LRIF1: variants seen among roughly 807,000 people sequenced by gnomAD.
LRIF1 encodes ligand-dependent nuclear receptor-interacting factor 1.
In LRIF1, 32 loss-of-function variants were observed where a neutral mutation model predicts 52.7. The ratio of observed to expected loss-of-function variants is 0.61; its 90% CI spans 0.46 to 0.82. LRIF1 has a LOEUF of 0.82. LRIF1 is among the 40% of genes least tolerant of loss of function. The pLI is 0.00. For missense variants in LRIF1, 887 were observed against 892.0 expected, an observed-to-expected ratio of 0.99 and a Z score of 0.07; for synonymous variants, 323 against 317.4, an observed-to-expected ratio of 1.02 and a Z score of -0.19.
the LRIF1 span, among the ~76,000 whole-genome samples, chr1:110,929,000 G>A: frequency 2.0e-5 from 3 of 152,006 alleles, no homozygotes; most frequent in South Asian, 4.1e-4. Context: ...TATTTTCATC[G>A]AATTTTATAC....
chr1:110,925,020 C>A, the LRIF1 span, among the ~76,000 whole-genome samples: 3 of 152,100 alleles, frequency 2.0e-5, no homozygotes, highest in African/African-American at 4.8e-5. Context: ...TTTTAATGAA[C>A]TAGTAGTATA....
the LRIF1 span, chr1:110,894,912 C>A: frequency 7.0e-7 from 1 of 1,431,238 alleles, no homozygotes; most frequent in Non-Finnish European, 9.9e-7. Flanking sequence ...ATTCCTTGAA[C>A]TCACCTGCTT....
the LRIF1 span, among the ~76,000 whole-genome samples, chr1:110,926,833 GAATA>G: frequency 6.6e-6 from 1 of 152,120 alleles, no homozygotes; most frequent in Non-Finnish European, 1.5e-5. Flanking sequence ...TGCGGAAAAA[GAATA>G]AATAGGGTAT....
chr1:110,896,725 A>G, the LRIF1 span: 2 of 1,612,788 alleles, frequency 1.2e-6, no homozygotes, highest in East Asian at 4.5e-5. Flanking sequence ...CTCAGATCGA[A>G]AAGTGGAGGT....
At chr1:110,892,842 T>A in the LRIF1 span, 2 of 242,154 alleles carry the variant, frequency 8.3e-6, no homozygotes, top group South Asian at 1.7e-4. Flanking sequence ...TGAAATCAGG[T>A]GTCATCCATC....
chr1:110,889,432 G>A, the LRIF1 span, among the ~76,000 whole-genome samples: 2 of 151,976 alleles, frequency 1.3e-5, no homozygotes, highest in African/African-American at 2.4e-5. Flanking sequence ...GGTGACGGGC[G>A]CCTGTAACCC....
chr1:110,884,260 C>T, the LRIF1 span, among the ~76,000 whole-genome samples: 6 of 152,004 alleles, frequency 3.9e-5, no homozygotes, highest in Non-Finnish European at 5.9e-5. Flanking sequence ...TTTCTTCTTT[C>T]ATCTATGAAC....
the LRIF1 span, among the ~76,000 whole-genome samples, chr1:110,895,243 C>T: frequency 6.6e-6 from 1 of 152,214 alleles, no homozygotes; most frequent in East Asian, 1.9e-4. Flanking sequence ...AAGTTCTCTA[C>T]ATTCTCTCTT....
chr1:110,945,614 C>T (rs375494622), downstream of LRIF1, among the ~76,000 whole-genome samples: 5 of 152,118 alleles, frequency 3.3e-5, no homozygotes, highest in African/African-American at 7.2e-5. Flanking sequence ...TTAGTAGAGA[C>T]GGGGTTTCAC....
intron 3 of LRIF1, among the ~76,000 whole-genome samples, chr1:110,948,893 GTTA>G (rs1358857244): frequency 7.9e-5 from 12 of 152,096 alleles, no homozygotes; most frequent in East Asian, 3.9e-4. Context: ...TGCTTAAAAG[GTTA>G]TTATTAAGAA....
the LRIF1 span, among the ~76,000 whole-genome samples, chr1:110,901,125 A>G: frequency 2.0e-5 from 3 of 152,052 alleles, no homozygotes; most frequent in Non-Finnish European, 4.4e-5. Context: ...ACAAAGAAGT[A>G]GCAGAGGAGA....
the LRIF1 span, among the ~76,000 whole-genome samples, chr1:110,926,715 T>A: frequency 6.6e-6 from 1 of 152,154 alleles, no homozygotes; most frequent in Non-Finnish European, 1.5e-5. Flanking sequence ...TAATCTATTG[T>A]TTCCATTCAA....
the LRIF1 span, among the ~76,000 whole-genome samples, chr1:110,912,890 G>C: frequency 1.3e-5 from 2 of 152,208 alleles, no homozygotes; most frequent in South Asian, 4.1e-4. Flanking sequence ...TAAGCAAAAA[G>C]AACAAAGCTG....
chr1:110,953,944 T>G (rs1227853920), intron 1 of LRIF1, among the ~76,000 whole-genome samples: 1 of 152,230 alleles, frequency 6.6e-6, no homozygotes, highest in Non-Finnish European at 1.5e-5. Context: ...TGTCATCATA[T>G]ATTAATATGT....
At chr1:110,876,916 G>A in the LRIF1 span, among the ~76,000 whole-genome samples, 1 of 152,084 alleles carries the variant, frequency 6.6e-6, no homozygotes, top group Non-Finnish European at 1.5e-5. Context: ...ACAGTAATTA[G>A]TAATTTGATT....
the LRIF1 span, among the ~76,000 whole-genome samples, chr1:110,909,485 C>T: frequency 1.2e-4 from 18 of 151,632 alleles, no homozygotes; most frequent in Admixed American, 1.1e-3. Context: ...AGAGAGTCAT[C>T]TCACATGCAA....
chr1:110,922,859 T>C, the LRIF1 span, among the ~76,000 whole-genome samples: 1 of 152,246 alleles, frequency 6.6e-6, no homozygotes, highest in Non-Finnish European at 1.5e-5. Flanking sequence ...TTCTAGAGGC[T>C]ATGGCATTCC....
chr1:110,880,595 G>A, the LRIF1 span, among the ~76,000 whole-genome samples: 1 of 152,108 alleles, frequency 6.6e-6, no homozygotes, highest in African/African-American at 2.4e-5. Context: ...ACTGATGGGT[G>A]AGTTAGTTAT....
At chr1:110,963,334 T>C (rs1255837743) in intron 1 of LRIF1, 2 of 243,822 alleles carry the variant, frequency 8.2e-6, no homozygotes, top group Non-Finnish European at 1.6e-5. Context: ...GCGTCGGCCA[T>C]CTTGGTTTTC....
Sources: gnomAD v4.1 joint callset for allele counts (sites outside exome capture counted in the v4.1 genomes callset) on GRCh38, gnomAD v4.1.1 for gene constraint, MANE v1.5 for transcripts, NCBI Gene and HGNC (gene_info 2026-07-23, HGNC 2026-07-21) for gene names.